The following RANBP2 variants were observed in gnomAD, a reference collection of about 807,000 sequenced individuals.
RANBP2 encodes the protein E3 SUMO-protein ligase RanBP2.
RANBP2 carries 57 observed loss-of-function variants against 303.6 expected under a neutral mutation model. The ratio of observed to expected loss-of-function variants is 0.19; its 90% CI spans 0.15 to 0.23. The LOEUF (loss-of-function observed/expected upper bound fraction) is 0.23, where lower values mean the gene tolerates loss of function less well. Among genes scored for constraint, RANBP2 ranks in the 10% least tolerant of loss-of-function variants. RANBP2 has a pLI of 1.00. For synonymous variants in RANBP2, 1,167 were observed against 1,301.5 expected (o/e 0.90, Z 2.23); for missense variants, 3,138 against 3,780.8 (o/e 0.83, Z 4.46).
chr2:109,213,492 G>T, the RANBP2 span, among the ~76,000 whole-genome samples: 1 of 152,208 alleles, frequency 6.6e-6, no homozygotes, highest in Non-Finnish European at 1.5e-5. Context: ...CCCAGGATCT[G>T]CAGGGAGCCT....
At chr2:108,832,451 G>A in the RANBP2 span, among the ~76,000 whole-genome samples, 4 of 148,964 alleles carry the variant, frequency 2.7e-5, no homozygotes, top group Non-Finnish European at 3.0e-5. Context: ...AAGTTCAAGC[G>A]ATTCTCCTGC....
At chr2:108,869,246 A>G in the RANBP2 span, among the ~76,000 whole-genome samples, 1 of 152,198 alleles carries the variant, frequency 6.6e-6, no homozygotes. Flanking sequence ...TGCCCAATCA[A>G]GAAAAAGCCA....
chr2:109,126,496 G>C, the RANBP2 span, among the ~76,000 whole-genome samples: 5 of 152,174 alleles, frequency 3.3e-5, no homozygotes, highest in Admixed American at 1.3e-4. Flanking sequence ...CTGCTCCTGT[G>C]GCCAAGGCAC....
At chr2:109,152,318 G>A in the RANBP2 span, among the ~76,000 whole-genome samples, 1 of 152,236 alleles carries the variant, frequency 6.6e-6, no homozygotes, top group Non-Finnish European at 1.5e-5. Context: ...TGTGGGGAAT[G>A]TGGGTGGGTG....
At chr2:109,213,929 T>C in the RANBP2 span, among the ~76,000 whole-genome samples, 1 of 152,182 alleles carries the variant, frequency 6.6e-6, no homozygotes, top group Non-Finnish European at 1.5e-5. Context: ...TGGAGGAAGC[T>C]GACTCAGTGA....
chr2:108,890,445 A>G, the RANBP2 span, among the ~76,000 whole-genome samples: 52 of 152,078 alleles, frequency 3.4e-4, no homozygotes, highest in African/African-American at 1.3e-3. Flanking sequence ...CGGTTTTGCC[A>G]TGTTGCCCAG....
chr2:109,274,070 C>T, the RANBP2 span, among the ~76,000 whole-genome samples: 1 of 152,108 alleles, frequency 6.6e-6, no homozygotes, highest in East Asian at 1.9e-4. Context: ...AACATTACTG[C>T]TATTTTATTA....
At chr2:109,698,509 T>C in the RANBP2 span, among the ~76,000 whole-genome samples, 1 of 151,892 alleles carries the variant, frequency 6.6e-6, no homozygotes, top group South Asian at 2.1e-4. Flanking sequence ...ATAAAAATTG[T>C]ATTTTTCTAC....
chr2:109,615,802 A>G, the RANBP2 span: 419 of 1,613,938 alleles, frequency 2.6e-4, no homozygotes, highest in Non-Finnish European at 3.4e-4. Flanking sequence ...GGAGGGGACC[A>G]TCACCACCAT....
the RANBP2 span, among the ~76,000 whole-genome samples, chr2:108,963,067 C>T: frequency 1.3e-5 from 2 of 152,180 alleles, no homozygotes; most frequent in Non-Finnish European, 2.9e-5. Flanking sequence ...GAAGGTCACT[C>T]ACTGTCACTT....
At chr2:109,590,923 A>G in the RANBP2 span, among the ~76,000 whole-genome samples, 9 of 152,200 alleles carry the variant, frequency 5.9e-5, no homozygotes, top group African/African-American at 2.2e-4. Flanking sequence ...GCCTCCAGAT[A>G]AGAACCCAGC....
At chr2:109,516,358 C>T in the RANBP2 span, among the ~76,000 whole-genome samples, 3 of 152,226 alleles carry the variant, frequency 2.0e-5, no homozygotes, top group Admixed American at 6.5e-5. Context: ...GTGGCCATGA[C>T]GGGACATGTT....
At chr2:109,397,440 G>A in the RANBP2 span, among the ~76,000 whole-genome samples, 1 of 152,132 alleles carries the variant, frequency 6.6e-6, no homozygotes, top group East Asian at 1.9e-4. Flanking sequence ...CCACCTCTGT[G>A]TACACAATAA....
At chr2:109,722,284 C>T in the RANBP2 span, among the ~76,000 whole-genome samples, 4 of 152,136 alleles carry the variant, frequency 2.6e-5, no homozygotes, top group Admixed American at 1.3e-4. Flanking sequence ...AGGAGTTAAT[C>T]TACACTAAGA....
the RANBP2 span, among the ~76,000 whole-genome samples, chr2:109,298,586 C>T: frequency 1.2e-3 from 175 of 152,148 alleles, no homozygotes; most frequent in African/African-American, 3.8e-3. Context: ...GGATGAGCCC[C>T]GGGGTCCTCA....
At chr2:108,803,707 G>C in the RANBP2 span, among the ~76,000 whole-genome samples, 1 of 152,280 alleles carries the variant, frequency 6.6e-6, no homozygotes, top group African/African-American at 2.4e-5. Flanking sequence ...ACCCTTGAGG[G>C]TTGCTTCTAC....
the RANBP2 span, among the ~76,000 whole-genome samples, chr2:108,889,083 A>G: frequency 6.6e-6 from 1 of 151,794 alleles, no homozygotes; most frequent in Non-Finnish European, 1.5e-5. Flanking sequence ...CATGCTGTTT[A>G]ATTTCCATGT....
At chr2:109,728,768 A>AAT in the RANBP2 span, among the ~76,000 whole-genome samples, 1 of 150,616 alleles carries the variant, frequency 6.6e-6, no homozygotes, top group African/African-American at 2.4e-5. Context: ...GATTTTAAAG[A>AAT]ATATATATAC....
the RANBP2 span, among the ~76,000 whole-genome samples, chr2:108,965,463 T>C: frequency 7.0e-5 from 1 of 14,268 alleles, no homozygotes; most frequent in Non-Finnish European, 2.0e-4. Context: ...AGATTTCGTC[T>C]CAAAAAAAAA....
Sources: gnomAD v4.1 joint callset for allele counts (sites outside exome capture counted in the v4.1 genomes callset) on GRCh38, gnomAD v4.1.1 for gene constraint, MANE v1.5 for transcripts, NCBI Gene and HGNC (gene_info 2026-07-23, HGNC 2026-07-21) for gene names.